The following NETO1 variants were observed in gnomAD, a reference collection of about 807,000 sequenced individuals.
The protein encoded by NETO1 is neuropilin and tolloid-like protein 1.
In NETO1, 26 loss-of-function variants were observed where a neutral mutation model predicts 61.3. The observed-to-expected ratio is 0.42, with a 90% CI of 0.31 to 0.59. The LOEUF is 0.59. Among genes scored for constraint, NETO1 ranks in the 20% least tolerant of loss-of-function variants. The pLI is 0.12. For missense variants in NETO1, 531 were observed against 662.8 expected (o/e 0.80, Z 2.18); for synonymous variants, 225 against 225.8 (o/e 1.00, Z 0.03).
chr18:72,824,649 A>G (rs747809195), intron 4 of NETO1, among the ~76,000 whole-genome samples: 9 of 151,940 alleles, frequency 5.9e-5, no homozygotes, highest in Non-Finnish European at 1.2e-4. Flanking sequence ...CAGATCACCT[A>G]AGGTCAGGAG....
chr18:72,855,720 G>A (rs745910472), intron 4 of NETO1, among the ~76,000 whole-genome samples: 65 of 152,142 alleles, frequency 4.3e-4, no homozygotes, highest in Non-Finnish European at 7.5e-4. Context: ...AAATTCTGGC[G>A]ATAAAAGCCT....
intron 7 of NETO1, among the ~76,000 whole-genome samples, chr18:72,756,559 T>A (rs1372449349): frequency 6.6e-6 from 1 of 152,128 alleles, no homozygotes; most frequent in Non-Finnish European, 1.5e-5. Flanking sequence ...GAAAAACATA[T>A]ACTTACCAAG....
intron 7 of NETO1, among the ~76,000 whole-genome samples, chr18:72,770,096 G>A (rs1204938266): frequency 6.6e-6 from 1 of 151,888 alleles, no homozygotes; most frequent in Non-Finnish European, 1.5e-5. Flanking sequence ...TTTGATAGAT[G>A]AAAATGACTC....
chr18:72,767,473 T>C (rs569324094), intron 7 of NETO1, among the ~76,000 whole-genome samples: 27 of 152,172 alleles, frequency 1.8e-4, no homozygotes, highest in Non-Finnish European at 3.2e-4. Flanking sequence ...ATTTTCTCAG[T>C]AACTCAATGA....
intron 4 of NETO1, among the ~76,000 whole-genome samples, chr18:72,824,328 C>T (rs1195345933): frequency 6.6e-6 from 1 of 152,148 alleles, no homozygotes; most frequent in African/African-American, 2.4e-5. Flanking sequence ...CCATGGCATT[C>T]TATTATTGTG....
intron 7 of NETO1, among the ~76,000 whole-genome samples, chr18:72,769,323 A>G (rs1166027255): frequency 1.3e-5 from 2 of 152,196 alleles, no homozygotes; most frequent in Non-Finnish European, 2.9e-5. Flanking sequence ...CTCTCGGAAG[A>G]TAAATGGTGG....
chr18:72,846,435 G>A (rs62103375), intron 4 of NETO1, among the ~76,000 whole-genome samples: 24,008 of 147,026 alleles, frequency 0.16, 2,588 homozygotes, highest in Middle Eastern at 0.27. Context: ...AACCTGGGAG[G>A]CGGAGGTTGC....
intron 4 of NETO1, among the ~76,000 whole-genome samples, chr18:72,794,766 G>T (rs1482467654): frequency 8.6e-5 from 13 of 152,020 alleles, no homozygotes; most frequent in Non-Finnish European, 1.5e-5. Flanking sequence ...GAGAACAGAC[G>T]TTTTTGTAAA....
At chr18:72,852,510 C>G (rs556253588) in intron 4 of NETO1, among the ~76,000 whole-genome samples, 24 of 152,204 alleles carry the variant, frequency 1.6e-4, no homozygotes, top group African/African-American at 5.8e-4. Flanking sequence ...CCACCGTGCC[C>G]GGCCGGAAGA....
chr18:72,867,092 C>T (rs1346021739), intron 1 of NETO1, 172 bp downstream of exon 1: 3 of 501,818 alleles, frequency 6.0e-6, no homozygotes, highest in African/African-American at 2.0e-5. Context: ...GCCGCCCCCA[C>T]GCCCGGTTCC....
rs182203295 is a variant in NETO1, at chr18:72,841,455, G to T, written c.469+17371C>A. Among the ~76,000 whole-genome samples, 303 of 152,118 alleles carry T rather than the reference G, an allele frequency of 2.0e-3. 1 individual carries two copies. Among genetic ancestry groups the T allele is most frequent in the Non-Finnish European group, 3.1e-3 (213 of 68,000 alleles). On this transcript the variant is annotated intron_variant, in intron 4 of 10. Transcript: ENST00000327305. ...CAAGCTCAGAAAGGCCATTTTGGCC[G>T]GGTGCGGTGGCTCACGTCTGCAACC...
At chr18:72,807,715 AAC>A (rs72126949) in intron 4 of NETO1, among the ~76,000 whole-genome samples, 1,386 of 65,328 alleles carry the variant, frequency 0.021, 19 homozygotes, top group African/African-American at 0.04. Flanking sequence ...TGAAGACAAG[AAC>A]ACACACACAC....
rs1257797169 is a variant in NETO1, at chr18:72,744,831, T to C, written c.*3348A>G. On this transcript the variant is annotated 3_prime_UTR_variant, in exon 11 of 11. Coordinates refer to ENST00000327305, the MANE Select transcript of NETO1 (RefSeq NM_138966.5). ...AGGTAATAGGAACCAGGGGGTCATATCTTGTAATTTATTATGATATTCTGA... is the reference window on the plus strand; with the variant it reads ...AGGTAATAGGAACCAGGGGGTCATACCTTGTAATTTATTATGATATTCTGA... 6.6e-6 allele frequency: 1 copy of C among 152,136 alleles called. No individual in the cohort carries two copies. The highest frequency in any genetic ancestry group is 1.5e-5 in the Non-Finnish European group (1 of 68,024). 9.4% of individuals were successfully genotyped at this position (152,136 alleles called of 1,614,324 possible).
At chr18:72,865,483 T>G (rs1043982838) in intron 1 of NETO1, 5 of 1,451,024 alleles carry the variant, frequency 3.4e-6, no homozygotes, top group Non-Finnish European at 3.8e-6. Context: ...CTAAGGCAAA[T>G]ACATCATTCA....
At chr18:72,855,803 G>A (rs1350361120) in intron 4 of NETO1, among the ~76,000 whole-genome samples, 2 of 152,204 alleles carry the variant, frequency 1.3e-5, no homozygotes, top group African/African-American at 4.8e-5. Context: ...CTGTGTGGGG[G>A]CTAAACCACC....
chr18:72,831,735 T>C (rs17086402), intron 4 of NETO1, among the ~76,000 whole-genome samples: 2,898 of 152,346 alleles, frequency 0.019, 86 homozygotes, highest in African/African-American at 0.066. Context: ...ATACATCTTG[T>C]ATAACTTTTC....
At chr18:72,829,610 G>A (rs1481809675) in intron 4 of NETO1, among the ~76,000 whole-genome samples, 1 of 152,064 alleles carries the variant, frequency 6.6e-6, no homozygotes, top group Non-Finnish European at 1.5e-5. Context: ...TCTATGCTTG[G>A]TTTACCCCAA....
intron 4 of NETO1, among the ~76,000 whole-genome samples, chr18:72,821,488 C>G (rs1163797172): frequency 6.7e-6 from 1 of 149,932 alleles, no homozygotes; most frequent in African/African-American, 2.5e-5. Flanking sequence ...TCGCTTGAAC[C>G]TAGGAGGTGG....
intron 7 of NETO1, among the ~76,000 whole-genome samples, chr18:72,762,171 T>TA (rs2070996887): frequency 6.6e-6 from 1 of 151,890 alleles, no homozygotes; most frequent in Non-Finnish European, 1.5e-5. Flanking sequence ...ACACTTTTTT[T>TA]TTTTTTGAGG....
Sources: gnomAD v4.1 joint callset for allele counts (sites outside exome capture counted in the v4.1 genomes callset) on GRCh38, gnomAD v4.1.1 for gene constraint, MANE v1.5 for transcripts, NCBI Gene and HGNC (gene_info 2026-07-23, HGNC 2026-07-21) for gene names.